CDKL5: variants seen among roughly 807,000 people sequenced by gnomAD.
CDKL5 encodes the protein cyclin-dependent kinase-like 5.
In CDKL5, 8 loss-of-function variants were observed where a neutral mutation model predicts 61.7. The ratio of observed to expected loss-of-function variants is 0.13; its 90% CI spans 0.08 to 0.23. The LOEUF (loss-of-function observed/expected upper bound fraction) is 0.23. Ranked by LOEUF, CDKL5 falls within the 10% of genes least tolerant of loss-of-function variation. CDKL5 has a pLI of 1.00. For synonymous variants in CDKL5, 275 were observed against 272.3 expected (o/e 1.01, Z -0.10); for missense variants, 440 against 734.5 (o/e 0.60, Z 4.63).
intron 2 of CDKL5, among the ~76,000 whole-genome samples, chrX:18,509,226 CACACACACACACACACACA>C (rs1922727341): frequency 9.3e-6 from 1 of 107,348 alleles, no homozygotes; most frequent in Non-Finnish European, 1.9e-5. Flanking sequence ...CACACACACA[CACACACACACACACACACA>C]CCCCTGTCAA....
At chrX:18,626,086 G>A (rs1345761718) in intron 17 of CDKL5, among the ~76,000 whole-genome samples, 2 of 98,789 alleles carry the variant, frequency 2.0e-5, no homozygotes, top group Non-Finnish European at 4.0e-5. Flanking sequence ...TTTTTTTTGA[G>A]ACAGGGCCTC....
chrX:18,507,281 AAG>A lies in CDKL5; in HGVS notation c.64+124_64+125del, dbSNP rs1352727314. ...CCTATATCAATTCACATGTGTGTCT[AAG>A]AGTAAAATATTAAAAATAAAATTAC... is the stretch of plus-strand genomic sequence containing the variant. On this transcript the variant is annotated intron_variant, in intron 2 of 17. Transcript: ENST00000623535. The A allele has an allele frequency of 8.0e-5, 39 of 488,623 alleles. 1 individual carries two copies. In the Admixed American group the frequency reaches 8.4e-4, roughly 11 times the overall value. 40.3% of individuals were successfully genotyped at this position (488,623 alleles called of 1,213,427 possible). A position where few individuals can be genotyped will look rare whatever the true frequency, so the allele number is the denominator to read the frequency against.
chrX:18,543,718 T>TAATCC (rs1200254149), intron 3 of CDKL5, among the ~76,000 whole-genome samples: 1 of 112,100 alleles, frequency 8.9e-6, no homozygotes, highest in African/African-American at 3.2e-5. Flanking sequence ...GACTGAGACA[T>TAATCC]AATCCTTACT....
intron 8 of CDKL5, among the ~76,000 whole-genome samples, chrX:18,585,771 A>G (rs966716587): frequency 1.8e-5 from 2 of 112,273 alleles, no homozygotes; most frequent in Non-Finnish European, 3.8e-5. Flanking sequence ...TACTCCACAA[A>G]TAAAATTAGA....
Position 18,451,612 on chromosome X carries a change from C to T in CDKL5, c.-163+25917C>T, listed in dbSNP as rs377336754. On this transcript the variant is annotated intron_variant, in intron 1 of 17. Transcript: ENST00000623535. ...AGAGTGCAGTGGCATGATCTTGGCT[C>T]CCTGCAGCCTTGCCTCCCTGGTTCA... Among the ~76,000 whole-genome samples the T allele has an allele frequency of 2.7e-5, 3 of 111,832 alleles. No homozygotes were observed. In the East Asian group the frequency reaches 8.5e-4, roughly 32 times the overall value.
chrX:18,500,288 G>A (rs1167619976), intron 1 of CDKL5, among the ~76,000 whole-genome samples: 1 of 111,532 alleles, frequency 9.0e-6, no homozygotes, highest in Admixed American at 9.5e-5. Context: ...TCATTTCTTT[G>A]TGTTAGGAAC....
In CDKL5 at chrX:18,575,454, G is replaced by C. The variant is rs1569213030; in HGVS notation, c.246G>C (p.Arg82Ser). ...AGTTGAAGGAAGCATTTCGTCGGAG[G>C]GGAAAGTTGTACTTGGTGTTTGAGT... ...IVELKEAFRR[R>S]GKLYLVFEYV... The change falls in exon 5 of 18, where the codon AGG becomes AGC. Residue 82 changes from arginine to serine, a missense_variant. By Grantham distance (110) the Arg-to-Ser change is moderately radical (BLOSUM62 -1). Coordinates refer to ENST00000623535, the MANE Select transcript of CDKL5 (RefSeq NM_001323289.2). 1 of 1,210,041 alleles carries C rather than the reference G, an allele frequency of 8.3e-7. No individual in the cohort carries two copies. Among genetic ancestry groups the C allele is most frequent in the Non-Finnish European group, 1.1e-6 (1 of 894,038 alleles).
intron 3 of CDKL5, among the ~76,000 whole-genome samples, chrX:18,546,689 G>A (rs1376131944): frequency 8.9e-6 from 1 of 111,736 alleles, no homozygotes; most frequent in Non-Finnish European, 1.9e-5. Context: ...CTTTTGGTGG[G>A]GGCCTTTCTG....
chrX:18,601,575 C>T (rs1413952410), intron 11 of CDKL5, among the ~76,000 whole-genome samples: 1 of 112,433 alleles, frequency 8.9e-6, no homozygotes, highest in Non-Finnish European at 1.9e-5. Flanking sequence ...GCCCTTTCCA[C>T]ATAGGCGTTA....
At chrX:18,502,863 TA>T (rs1922437234) in intron 1 of CDKL5, among the ~76,000 whole-genome samples, 1 of 111,962 alleles carries the variant, frequency 8.9e-6, no homozygotes, top group Admixed American at 9.5e-5. Flanking sequence ...TTCTTTTTCT[TA>T]TTCTTTGCTG....
At chrX:18,606,413 G>A (rs1363428131) in intron 12 of CDKL5, among the ~76,000 whole-genome samples, 2 of 112,330 alleles carry the variant, frequency 1.8e-5, no homozygotes, top group Admixed American at 9.4e-5. Context: ...CCTGAGCTAG[G>A]CAACATGAAA....
rs964918870 is a variant in CDKL5 at position 18,630,069 on chromosome X, C to G, written c.*1312C>G. Reference sequence around the variant, plus strand: ...TCTGAATGCCTTTTTTGCTATTGCTCTCTCCAATACCATATTTAAAAGGCT... The same window carrying G: ...TCTGAATGCCTTTTTTGCTATTGCTGTCTCCAATACCATATTTAAAAGGCT... On this transcript the variant is annotated 3_prime_UTR_variant, in exon 18 of 18. Coordinates refer to ENST00000623535, the MANE Select transcript of CDKL5 (RefSeq NM_001323289.2). 8.0e-6 allele frequency: 6 copies of G among 750,989 alleles called. No homozygotes were observed. Among genetic ancestry groups the G allele is most frequent in the Non-Finnish European group, 9.4e-6 (6 of 637,961 alleles). 61.9% of individuals were successfully genotyped at this position (750,989 alleles called of 1,213,427 possible). A position where few individuals can be genotyped will look rare whatever the true frequency, so the allele number is the denominator to read the frequency against.
At chrX:18,532,602 T>C (rs927728109) in intron 3 of CDKL5, among the ~76,000 whole-genome samples, 1 of 112,118 alleles carries the variant, frequency 8.9e-6, no homozygotes, top group Non-Finnish European at 1.9e-5. Flanking sequence ...ATGTAGTAAT[T>C]ATAAACTACA....
intron 1 of CDKL5, among the ~76,000 whole-genome samples, chrX:18,455,979 A>G (rs1932130877): frequency 8.9e-6 from 1 of 111,959 alleles, no homozygotes; most frequent in African/African-American, 3.2e-5. Flanking sequence ...GTTGATACCC[A>G]ACAAACTGAA....
At chrX:18,479,298 T>A (rs1421798857) in intron 1 of CDKL5, among the ~76,000 whole-genome samples, 3 of 108,950 alleles carry the variant, frequency 2.8e-5, no homozygotes, top group Non-Finnish European at 1.9e-5. Context: ...ATTTGAGAAG[T>A]TCTCAGCCAC....
intron 1 of CDKL5, among the ~76,000 whole-genome samples, chrX:18,491,543 G>T (rs918183759): frequency 1.8e-5 from 2 of 111,432 alleles, no homozygotes; most frequent in African/African-American, 6.5e-5. Flanking sequence ...GTTTAGCCTG[G>T]AAGCTCCCTT....
chrX:18,617,158 A>G (rs938308569), intron 15 of CDKL5, among the ~76,000 whole-genome samples: 25 of 111,732 alleles, frequency 2.2e-4, no homozygotes, highest in Non-Finnish European at 3.0e-4. Context: ...AATCTTTGGA[A>G]TTGTGTCTCC....
intron 1 of CDKL5, among the ~76,000 whole-genome samples, chrX:18,501,560 T>A (rs1401302977): frequency 4.5e-5 from 5 of 111,484 alleles, no homozygotes; most frequent in Non-Finnish European, 7.5e-5. Context: ...TATTTTTTTT[T>A]ATTTTTTTGA....
intron 3 of CDKL5, among the ~76,000 whole-genome samples, chrX:18,512,508 G>A (rs2147096522): frequency 9.0e-6 from 1 of 111,083 alleles, no homozygotes; most frequent in East Asian, 2.8e-4. Context: ...TTAGATCACA[G>A]ATCTCTTACT....
Sources: allele counts gnomAD v4.1 joint callset (sites outside exome capture counted in the v4.1 genomes callset), GRCh38; gene constraint gnomAD v4.1.1; transcripts MANE v1.5; gene names NCBI Gene and HGNC (gene_info 2026-07-23, HGNC 2026-07-21).